Variants in LINGO1 observed in about 807,000 individuals in gnomAD.
LINGO1 encodes the protein leucine-rich repeat and immunoglobulin-like domain-containing nogo receptor-interacting protein 1.
LINGO1 carries 11 observed loss-of-function variants against 37.3 expected under a neutral mutation model. The ratio of observed to expected loss-of-function variants is 0.29; its 90% CI spans 0.19 to 0.49. LINGO1 has a LOEUF of 0.49. Among genes scored for constraint, LINGO1 ranks in the 20% least tolerant of loss-of-function variants. The probability of loss-of-function intolerance (pLI) is 0.99; values close to 1 mark genes in which losing one functional copy is unlikely to be tolerated. For missense variants in LINGO1, 585 were observed against 878.2 expected, an observed-to-expected ratio of 0.67 and a Z score of 4.22; for synonymous variants, 387 against 403.0, an observed-to-expected ratio of 0.96 and a Z score of 0.48.
intron 2 of LINGO1, among the ~76,000 whole-genome samples, chr15:77,724,976 G>T (rs2076088309): frequency 6.6e-6 from 1 of 152,228 alleles, no homozygotes; most frequent in South Asian, 2.1e-4. Flanking sequence ...TGAGATGAAG[G>T]CCTGGCCTCC....
At chr15:77,777,782 G>A (rs2076676416) in intron 1 of LINGO1, among the ~76,000 whole-genome samples, 1 of 152,118 alleles carries the variant, frequency 6.6e-6, no homozygotes, top group Admixed American at 6.6e-5. Context: ...AACTAGCCAG[G>A]TATGGTGGCA....
chr15:77,810,503 G>C (rs866587258), intron 1 of LINGO1, among the ~76,000 whole-genome samples: 1 of 152,210 alleles, frequency 6.6e-6, no homozygotes. Context: ...GGGAGCACTA[G>C]TGGGTCCTGA....
chr15:77,813,250 G>A (rs2077020613), intron 1 of LINGO1, among the ~76,000 whole-genome samples: 1 of 152,188 alleles, frequency 6.6e-6, no homozygotes, highest in African/African-American at 2.4e-5. Flanking sequence ...TTTTAATGAG[G>A]CATTTGGGCT....
intron 1 of LINGO1, among the ~76,000 whole-genome samples, chr15:77,630,862 G>C (rs975816233): frequency 3.3e-5 from 5 of 152,158 alleles, no homozygotes; most frequent in Non-Finnish European, 5.9e-5. Flanking sequence ...CGGTTCCAAG[G>C]AGTTATTGGT....
rs955869778 is a variant in LINGO1, at chr15:77,804,955, C to T, written c.-457-8902G>A. ...TGCTGAGAAGGGCTGGCAGCCAAGC[C>T]CAGGCCACATGGTCTCAGTGCCCAC... On this transcript the variant is annotated intron_variant, in intron 1 of 5. Coordinates refer to the LINGO1 transcript ENST00000562933. 6.6e-5 allele frequency among the ~76,000 whole-genome samples: 10 copies of T among 152,318 alleles called. No homozygotes were observed. In the South Asian group the frequency reaches 1.0e-3, roughly 16 times the overall value.
chr15:77,702,876 C>A (rs1040397879), intron 2 of LINGO1, among the ~76,000 whole-genome samples: 3 of 152,222 alleles, frequency 2.0e-5, no homozygotes, highest in Non-Finnish European at 1.5e-5. Context: ...GCTCTTGCTC[C>A]CTAATACTTC....
intron 2 of LINGO1, among the ~76,000 whole-genome samples, chr15:77,684,806 AG>A (rs1567520002): frequency 6.6e-6 from 1 of 152,094 alleles, no homozygotes; most frequent in Non-Finnish European, 1.5e-5. Flanking sequence ...TGCCAGGCCC[AG>A]GGGGCAACTG....
intron 2 of LINGO1, among the ~76,000 whole-genome samples, chr15:77,724,921 C>G (rs1369787802): frequency 6.6e-6 from 1 of 152,202 alleles, no homozygotes; most frequent in Non-Finnish European, 1.5e-5. Context: ...CAACTGCTTC[C>G]CAGACGGTGT....
chr15:77,730,837 C>T (rs2076147760), intron 2 of LINGO1, among the ~76,000 whole-genome samples: 1 of 152,214 alleles, frequency 6.6e-6, no homozygotes, highest in African/African-American at 2.4e-5. Flanking sequence ...TCAGGCCTGG[C>T]CACAGAAAGG....
chr15:77,653,954 C>G (rs910576078), intron 3 of LINGO1, among the ~76,000 whole-genome samples: 1 of 152,228 alleles, frequency 6.6e-6, no homozygotes, highest in Admixed American at 6.5e-5. Context: ...AACTAATATA[C>G]CAATTTTCTT....
intron 1 of LINGO1, among the ~76,000 whole-genome samples, chr15:77,617,211 C>A (rs1018407879): frequency 2.0e-4 from 31 of 152,276 alleles, no homozygotes; most frequent in South Asian, 2.1e-4. Flanking sequence ...CCTCTCCCAC[C>A]CCCTGTTCAG....
intron 3 of LINGO1, among the ~76,000 whole-genome samples, chr15:77,659,004 A>AATCTGT (rs1271922733): frequency 1.3e-5 from 2 of 152,206 alleles, no homozygotes; most frequent in Admixed American, 1.3e-4. Flanking sequence ...CAAAGGTCAC[A>AATCTGT]GATTGTAGAG....
At chr15:77,631,100 C>T (rs1025294112) in intron 1 of LINGO1, among the ~76,000 whole-genome samples, 2 of 152,210 alleles carry the variant, frequency 1.3e-5, no homozygotes, top group African/African-American at 2.4e-5. Flanking sequence ...GGCTCTCTGC[C>T]GCCTGGGTGT....
At chr15:77,797,209 A>G (rs1473693693) in intron 1 of LINGO1, among the ~76,000 whole-genome samples, 1 of 152,150 alleles carries the variant, frequency 6.6e-6, no homozygotes, top group Non-Finnish European at 1.5e-5. Flanking sequence ...GGCCCTGGGG[A>G]AAGCTTCTTC....
rs1299446475 is a variant in LINGO1 at position 77,797,414 on chromosome 15, GA to G, written c.-457-1362del. On this transcript the variant is annotated intron_variant, in intron 1 of 5. Coordinates refer to the LINGO1 transcript ENST00000562933. ...TACGTGTTTCTCTTTCTGTGTATTG[GA>G]AAAAAAAACATGACAGGCACATCAC... is the stretch of plus-strand genomic sequence containing the variant. Among the ~76,000 whole-genome samples the G allele has an allele frequency of 1.6e-3, 242 of 151,136 alleles. 2 individuals carry two copies. Among genetic ancestry groups the G allele is most frequent in the Non-Finnish European group, 5.0e-4 (34 of 67,628 alleles).
Position 77,776,542 on chromosome 15 carries a change from G to GC in LINGO1, c.-257+10326_-257+10327insG, listed in dbSNP as rs1429144825. Among the ~76,000 whole-genome samples, 302 of 36,688 alleles carry GC rather than the reference G, an allele frequency of 8.2e-3. 2 individuals carry two copies. The highest frequency in any genetic ancestry group is 0.021 in the Admixed American group (65 of 3,112). The allele number at this position is 36,688 out of a possible 152,430, so 24.1% of individuals were successfully genotyped here. On this transcript the variant is annotated intron_variant, in intron 1 of 3. Coordinates refer to the LINGO1 transcript ENST00000561686. ...GAAGGGAGGAAGGGAGGGAGGGAGG[G>GC]AGGGAGGGAGGGAGGGAGCTGACTC... is the stretch of plus-strand genomic sequence containing the variant.
At position 77,613,954 on chromosome 15, in the gene LINGO1, G is replaced by T; in HGVS notation, c.*90C>A. 9.6e-7 allele frequency: 1 copy of T among 1,041,868 alleles called. No homozygotes were observed. Among genetic ancestry groups the T allele is most frequent in the Non-Finnish European group, 1.4e-6 (1 of 723,680 alleles). 64.5% of individuals were successfully genotyped at this position (1,041,868 alleles called of 1,614,324 possible). Reference sequence around the variant, plus strand: ...GAGAACGTGTGTAGAAGGGTAGGGAGGAGGTGGGAAGGACTGGAGAGTGAG... The same window carrying T: ...GAGAACGTGTGTAGAAGGGTAGGGATGAGGTGGGAAGGACTGGAGAGTGAG... On this transcript the variant is annotated 3_prime_UTR_variant, in exon 2 of 2. Transcript: ENST00000355300.
chr15:77,672,732 C>G (rs2075271745), intron 3 of LINGO1, among the ~76,000 whole-genome samples: 1 of 152,240 alleles, frequency 6.6e-6, no homozygotes, highest in Non-Finnish European at 1.5e-5. Flanking sequence ...TGAAGAATTG[C>G]AGTGCAGGCT....
intron 1 of LINGO1, among the ~76,000 whole-genome samples, chr15:77,806,925 G>T (rs375693381): frequency 2.0e-5 from 3 of 152,140 alleles, no homozygotes; most frequent in African/African-American, 7.2e-5. Context: ...GTCCTGCTTG[G>T]AACCCTTCCA....
Sources: gnomAD v4.1 joint callset for allele counts (sites outside exome capture counted in the v4.1 genomes callset) on GRCh38, gnomAD v4.1.1 for gene constraint, MANE v1.5 for transcripts, NCBI Gene and HGNC (gene_info 2026-07-23, HGNC 2026-07-21) for gene names.